Variants in NPHP1 observed in about 807,000 individuals in gnomAD.
The protein encoded by NPHP1 is nephrocystin 1.
NPHP1 carries 70 observed loss-of-function variants against 90.4 expected under a neutral mutation model. That is an observed-to-expected ratio of 0.77 (90% CI 0.64 to 0.95). The LOEUF is 0.95. Ranked by LOEUF, NPHP1 falls within the 40% of genes least tolerant of loss-of-function variation. The probability of loss-of-function intolerance (pLI) is 0.00; values close to 1 mark genes in which losing one functional copy is unlikely to be tolerated. For missense variants in NPHP1, 764 were observed against 795.9 expected (o/e 0.96, Z 0.48); for synonymous variants, 256 against 271.7 (o/e 0.94, Z 0.57).
chr2:110,203,551 TAC>T (rs1363162557), intron 1 of NPHP1, among the ~76,000 whole-genome samples: 2 of 152,174 alleles, frequency 1.3e-5, no homozygotes, highest in African/African-American at 2.4e-5. Context: ...GTGATTCCAA[TAC>T]ACAGTCACCT....
At chr2:110,137,382 C>G (rs889616476) in intron 16 of NPHP1, among the ~76,000 whole-genome samples, 9 of 152,190 alleles carry the variant, frequency 5.9e-5, no homozygotes, top group African/African-American at 2.2e-4. Flanking sequence ...TCAGAGTGAA[C>G]AGGCAACCTA....
At chr2:110,156,878 G>GT (rs959771496) in intron 11 of NPHP1, among the ~76,000 whole-genome samples, 12 of 151,244 alleles carry the variant, frequency 7.9e-5, no homozygotes, top group African/African-American at 1.2e-4. Context: ...CTGGGTTCAA[G>GT]TGATTCTCCT....
At chr2:110,132,480 C>T (rs952855508) in intron 16 of NPHP1, among the ~76,000 whole-genome samples, 4 of 152,080 alleles carry the variant, frequency 2.6e-5, no homozygotes, top group Admixed American at 6.6e-5. Context: ...CATGGTGAAA[C>T]CATATCTCTG....
At chr2:110,184,772 A>G in intron 2 of NPHP1, 2 of 711,542 alleles carry the variant, frequency 2.8e-6, no homozygotes, top group Non-Finnish European at 2.6e-6. Flanking sequence ...GAAGGAAGAG[A>G]CACTAGAGAC....
At chr2:110,191,835 C>T (rs1684770773) in intron 2 of NPHP1, among the ~76,000 whole-genome samples, 1 of 152,206 alleles carries the variant, frequency 6.6e-6, no homozygotes, top group Admixed American at 6.5e-5. Flanking sequence ...CAGGCAGCAA[C>T]ATTTGCTGTT....
intron 1 of NPHP1, among the ~76,000 whole-genome samples, chr2:110,203,292 G>A (rs976269612): frequency 6.6e-6 from 1 of 152,062 alleles, no homozygotes; most frequent in African/African-American, 2.4e-5. Context: ...AAGACTGAAA[G>A]ACTGCCTATT....
chr2:110,131,246 C>T (rs1462967993), intron 17 of NPHP1, among the ~76,000 whole-genome samples: 1 of 152,178 alleles, frequency 6.6e-6, no homozygotes, highest in African/African-American at 2.4e-5. Context: ...CACCCAAATA[C>T]TCCATATCTG....
chr2:110,146,000 C>G (rs1014997398), intron 14 of NPHP1, among the ~76,000 whole-genome samples: 7 of 152,140 alleles, frequency 4.6e-5, no homozygotes, highest in Non-Finnish European at 1.0e-4. Context: ...TTATTACAAT[C>G]TTCCAGATTA....
chr2:110,182,038 G>A (rs55923269), intron 2 of NPHP1, among the ~76,000 whole-genome samples: 6,515 of 152,154 alleles, frequency 0.043, 459 homozygotes, highest in African/African-American at 0.15. Context: ...GAATCTCAGA[G>A]CTTGAAGATT....
chr2:110,184,821 T>C (rs1574173381), intron 2 of NPHP1: 10 of 706,070 alleles, frequency 1.4e-5, no homozygotes, highest in Admixed American at 3.5e-5. Flanking sequence ...GGCAGCACCA[T>C]TGAGATTGGT....
chr2:110,176,229 T>C lies in NPHP1; in HGVS notation c.329+2194A>G, dbSNP rs550574331. On this transcript the variant is annotated intron_variant, in intron 4 of 19. Transcript: ENST00000445609. ...TATATTTCCCAGATTTTTGAGTCTA[T>C]ATGTTGAATCAGATTTTGGAAGTTC... is the stretch of plus-strand genomic sequence containing the variant. Among the ~76,000 whole-genome samples the C allele has an allele frequency of 3.9e-5, 6 of 152,274 alleles. No homozygotes were observed. The East Asian group carries it at 9.6e-4, about 24-fold the overall frequency.
chr2:110,125,172 G>A (rs949307413), intron 19 of NPHP1: 1 of 1,523,316 alleles, frequency 6.6e-7, no homozygotes, highest in Non-Finnish European at 8.7e-7. Flanking sequence ...GATGAGAGCA[G>A]TCAAACCACG....
chr2:110,189,498 G>A (rs1684537166), intron 2 of NPHP1, among the ~76,000 whole-genome samples: 1 of 152,106 alleles, frequency 6.6e-6, no homozygotes, highest in Non-Finnish European at 1.5e-5. Context: ...TTCGCGGTGA[G>A]TGTTACAGCT....
intron 2 of NPHP1, chr2:110,184,808 G>A: frequency 7.1e-6 from 5 of 707,826 alleles, no homozygotes; most frequent in Non-Finnish European, 1.3e-5. Context: ...CTACCTGCCT[G>A]ATGGCAGCAC....
chr2:110,146,640 T>C (rs2104491644), intron 14 of NPHP1, 113 bp downstream of exon 14: 1 of 775,300 alleles, frequency 1.3e-6, no homozygotes, highest in Non-Finnish European at 2.3e-6. Flanking sequence ...ACATAAAAAG[T>C]CCTCTCCCCA....
chr2:110,176,531 G>A (rs555175821), intron 4 of NPHP1, among the ~76,000 whole-genome samples: 2 of 152,014 alleles, frequency 1.3e-5, no homozygotes, highest in African/African-American at 4.8e-5. Flanking sequence ...TGCTGTGATG[G>A]ACACATTACA....
chr2:110,169,693 G>T, intron 5 of NPHP1, 113 bp downstream of exon 5: 1 of 745,312 alleles, frequency 1.3e-6, no homozygotes, highest in Non-Finnish European at 2.4e-6. Flanking sequence ...TAAATAGATT[G>T]TTATAAAACT....
chr2:110,123,807 C>T lies in NPHP1; in HGVS notation c.2018G>A (p.Arg673Lys), dbSNP rs753549193. 1.5e-5 allele frequency: 24 copies of T among 1,613,962 alleles called. No homozygotes were observed. The highest frequency in any genetic ancestry group is 1.9e-5 in the Non-Finnish European group (23 of 1,179,992). Residue 673 changes from arginine to lysine, a missense_variant, in exon 20 of 20, where the codon AGA becomes AAA. Physicochemically the swap from Arg to Lys is conservative, Grantham distance 26 (BLOSUM62 2). Coordinates refer to ENST00000445609, the MANE Select transcript of NPHP1 (RefSeq NM_001128178.3). ...CTGCCACTGTCACACTGCATTCTTT[C>T]TCATTTCACCCAAGAAGTCATAGGT... ...EQTYDFLGEM[R>K]KNAV
chr2:110,172,518 C>G (rs1156691677), intron 4 of NPHP1, among the ~76,000 whole-genome samples: 1 of 152,006 alleles, frequency 6.6e-6, no homozygotes, highest in Non-Finnish European at 1.5e-5. Context: ...TGGCGGCTCA[C>G]ACCTGTAATC....
Sources: allele counts gnomAD v4.1 joint callset (sites outside exome capture counted in the v4.1 genomes callset), GRCh38; gene constraint gnomAD v4.1.1; transcripts MANE v1.5; gene names NCBI Gene and HGNC (gene_info 2026-07-23, HGNC 2026-07-21).